Variants in GART observed in about 807,000 individuals in gnomAD.
GART encodes the protein phosphoribosylglycinamide formyltransferase, phosphoribosylglycinamide synthetase, phosphoribosylaminoimidazole synthetase.
In GART, 43 loss-of-function variants were observed where a neutral mutation model predicts 107.2. The ratio of observed to expected loss-of-function variants is 0.40; its 90% CI spans 0.31 to 0.52. GART has a LOEUF of 0.52. Among genes scored for constraint, GART ranks in the 20% least tolerant of loss-of-function variants. The pLI, the probability that GART is intolerant of heterozygous loss-of-function variation, is 0.52. For missense variants in GART, 1,107 were observed against 1,206.5 expected (o/e 0.92, Z 1.22); for synonymous variants, 434 against 427.0 (o/e 1.02, Z -0.20).
chr21:33,526,890 A>G (rs1401319251), intron 10 of GART, among the ~76,000 whole-genome samples: 2 of 152,008 alleles, frequency 1.3e-5, no homozygotes, highest in African/African-American at 4.8e-5. Context: ...TTCCGTCTCT[A>G]TTTCTTTTGT....
intron 10 of GART, among the ~76,000 whole-genome samples, chr21:33,525,557 AG>A (rs1237866291): frequency 9.2e-5 from 14 of 152,218 alleles, no homozygotes; most frequent in African/African-American, 3.4e-4. Flanking sequence ...CAACCTCAGG[AG>A]TAGCTGGGAC....
At chr21:33,531,284 C>CA (rs2085183341) in intron 6 of GART, 2 of 549,668 alleles carry the variant, frequency 3.6e-6, no homozygotes, top group East Asian at 5.6e-5. Flanking sequence ...CAAGTGCCCC[C>CA]ACTAACACAC....
chr21:33,531,924 G>A (rs902809107), intron 5 of GART: 11 of 245,932 alleles, frequency 4.5e-5, no homozygotes, highest in African/African-American at 2.5e-4. Context: ...GCATGCTTGT[G>A]AAAGTAGACT....
In GART at chr21:33,504,041, T is replaced by C; in HGVS notation, c.*83A>G. The C allele has an allele frequency of 7.7e-7, 1 of 1,306,362 alleles. No individual in the cohort carries two copies. The highest frequency in any genetic ancestry group is 1.9e-4 in the Middle Eastern group (1 of 5,160). 80.9% of individuals were successfully genotyped at this position (1,306,362 alleles called of 1,614,324 possible). ...TTTTGTCTTTTAGCAGTTTTTCTTT[T>C]GGGCCAAGTCCATGATAAAAAACCA... On this transcript the variant is annotated 3_prime_UTR_variant, in exon 22 of 22. Coordinates refer to ENST00000381815, the MANE Select transcript of GART (RefSeq NM_000819.5).
intron 1 of GART, among the ~76,000 whole-genome samples, chr21:33,540,749 G>A (rs987171930): frequency 1.3e-5 from 2 of 152,270 alleles, no homozygotes; most frequent in Admixed American, 6.5e-5. Context: ...TGATGATGTT[G>A]GGATTACATA....
intron 16 of GART, among the ~76,000 whole-genome samples, chr21:33,513,823 T>C (rs1267780282): frequency 6.6e-6 from 1 of 152,240 alleles, no homozygotes; most frequent in Non-Finnish European, 1.5e-5. Flanking sequence ...ACATATTTAA[T>C]GGCAGGGCAA....
chr21:33,511,481 G>GT, intron 16 of GART, 23 bp from the exon 17 acceptor site: 1 of 1,609,402 alleles, frequency 6.2e-7, no homozygotes. Context: ...GACACGAATT[G>GT]TTTGATTTTC....
In GART at chr21:33,522,372, G is replaced by A. The variant is rs1273617242; in HGVS notation, c.1299-90C>T. Reference sequence around the variant, plus strand: ...ATTTAAAGCAGAAGATATCCCAAGTGATTTTCACATACCCTAAAGTGCTTA... The same window carrying A: ...ATTTAAAGCAGAAGATATCCCAAGTAATTTTCACATACCCTAAAGTGCTTA... On this transcript the variant is annotated intron_variant, in intron 11 of 21. Coordinates refer to ENST00000381815, the MANE Select transcript of GART (RefSeq NM_000819.5). The A allele has an allele frequency of 2.4e-5, 24 of 1,003,414 alleles. No individual in the cohort carries two copies. The South Asian group carries it at 2.8e-4, about 12-fold the overall frequency. The allele number at this position is 1,003,414 out of a possible 1,614,324, so 62.2% of individuals were successfully genotyped here.
At chr21:33,516,063 C>G (rs1329897489) in intron 16 of GART, among the ~76,000 whole-genome samples, 1 of 151,688 alleles carries the variant, frequency 6.6e-6, no homozygotes, top group African/African-American at 2.4e-5. Context: ...GCCTGGCCAA[C>G]AAGGTGAAAC....
chr21:33,524,980 G>C lies in GART; in HGVS notation c.1087C>G (p.Leu363Val), dbSNP rs754421288. 5.6e-6 allele frequency: 9 copies of C among 1,614,068 alleles called. No homozygotes were observed. The highest frequency in any genetic ancestry group is 5.9e-6 in the Non-Finnish European group (7 of 1,180,010). ...EITGFPEAQALGLEVFHAGTA... is the reference protein window; with the variant it reads ...EITGFPEAQAVGLEVFHAGTA... ...CCTGCATGGAACACCTCCAGTCCTA[G>C]AGCTTGAGCCTCAGGAAACCCTAGA... The change falls in exon 11 of 22, where the codon CTA becomes GTA. Residue 363 changes from leucine (L) to valine (V), a missense_variant. Coordinates refer to ENST00000381815, the MANE Select transcript of GART (RefSeq NM_000819.5).
chr21:33,518,208 C>T (rs1336756055), intron 14 of GART, among the ~76,000 whole-genome samples: 1 of 152,208 alleles, frequency 6.6e-6, no homozygotes, highest in Non-Finnish European at 1.5e-5. Flanking sequence ...GTGGGCTGGG[C>T]ATCGTGGCTC....
chr21:33,510,055 A>T, intron 17 of GART, 135 bp from the exon 18 acceptor site: 1 of 761,190 alleles, frequency 1.3e-6, no homozygotes, highest in Non-Finnish European at 2.1e-6. Context: ...ACTAAAATGA[A>T]CAACACATTT....
At chr21:33,542,664 G>C (rs1376941781), upstream of GART, 1 of 167,536 alleles carries the variant, frequency 6.0e-6, no homozygotes, top group African/African-American at 2.4e-5. Context: ...CGCCACCTGA[G>C]AGCGCCTGAA....
intron 4 of GART, among the ~76,000 whole-genome samples, 172 bp downstream of exon 4, chr21:33,534,407 G>A (rs1196557454): frequency 6.6e-6 from 1 of 151,900 alleles, no homozygotes; most frequent in African/African-American, 2.4e-5. Context: ...TGTAGAGACA[G>A]GGTTTTACCA....
chr21:33,524,416 T>C (rs2085029872), intron 11 of GART: 1 of 587,764 alleles, frequency 1.7e-6, no homozygotes, highest in Non-Finnish European at 2.1e-6. Context: ...CCAGGTGTGG[T>C]GGCCTGTGCC....
intron 19 of GART, 35 bp downstream of exon 19, chr21:33,505,939 G>A (rs777543125): frequency 1.2e-6 from 2 of 1,611,572 alleles, no homozygotes; most frequent in South Asian, 2.2e-5. Flanking sequence ...GCTTAAATAT[G>A]GCCCACAGCA....
At chr21:33,538,682 G>A (rs2085349573) in intron 2 of GART, among the ~76,000 whole-genome samples, 1 of 152,158 alleles carries the variant, frequency 6.6e-6, no homozygotes. Flanking sequence ...GCCATATTCT[G>A]AACAATAGGT....
upstream of GART, chr21:33,542,496 G>A (rs984748408): frequency 8.5e-5 from 13 of 153,548 alleles, no homozygotes; most frequent in African/African-American, 3.1e-4. Context: ...CGGTCGCTTA[G>A]GACATCCGGC....
intron 14 of GART, 25 bp from the exon 15 acceptor site, chr21:33,517,633 G>A: frequency 6.2e-7 from 1 of 1,612,296 alleles, no homozygotes; most frequent in Non-Finnish European, 8.5e-7. Context: ...CAAGAACAAA[G>A]AAATCAGAGT....
Sources: gnomAD v4.1 joint callset for allele counts (sites outside exome capture counted in the v4.1 genomes callset) on GRCh38, gnomAD v4.1.1 for gene constraint, MANE v1.5 for transcripts, NCBI Gene and HGNC (gene_info 2026-07-23, HGNC 2026-07-21) for gene names.